Variants in FOXP1 observed in about 807,000 individuals in gnomAD.
FOXP1 encodes forkhead box P1, also known as forkhead box protein P1.
In FOXP1, 15 loss-of-function variants were observed where a neutral mutation model predicts 98.2. The observed-to-expected ratio is 0.15, with a 90% confidence interval of 0.10 to 0.24. FOXP1 has a LOEUF of 0.24. FOXP1 is among the 10% of genes least tolerant of loss of function. The probability of loss-of-function intolerance (pLI) is 1.00; values close to 1 mark genes in which losing one functional copy is unlikely to be tolerated. For synonymous variants in FOXP1, 371 were observed against 314.5 expected (o/e 1.18, Z -1.90); for missense variants, 633 against 848.5 (o/e 0.75, Z 3.15).
chr3:71,569,128 G>A (rs1440339683), intron 2 of FOXP1, among the ~76,000 whole-genome samples: 1 of 152,110 alleles, frequency 6.6e-6, no homozygotes, highest in African/African-American at 2.4e-5. Flanking sequence ...GCTCCAAGCT[G>A]CAAACCAAAA....
At chr3:71,407,203 C>T (rs1042574906) in intron 3 of FOXP1, among the ~76,000 whole-genome samples, 7 of 152,080 alleles carry the variant, frequency 4.6e-5, no homozygotes, top group Non-Finnish European at 1.0e-4. Context: ...GTAATATGTC[C>T]TCTAACTTGA....
At chr3:71,060,424 C>G (rs2051316212) in intron 7 of FOXP1, among the ~76,000 whole-genome samples, 1 of 152,008 alleles carries the variant, frequency 6.6e-6, no homozygotes, top group African/African-American at 2.4e-5. Flanking sequence ...AGACAAAGCC[C>G]AACCAAAAGC....
At chr3:71,227,060 G>A (rs374879168) in intron 5 of FOXP1, among the ~76,000 whole-genome samples, 59 of 152,252 alleles carry the variant, frequency 3.9e-4, no homozygotes, top group African/African-American at 1.4e-3. Context: ...GAGAAGGCTG[G>A]TGCGGTTCTA....
In FOXP1 at chr3:71,583,649, G is replaced by A. The variant is rs1472421632; in HGVS notation, c.-525C>T. 3.0e-6 allele frequency: 3 copies of A among 983,984 alleles called. No individual in the cohort carries two copies. Among genetic ancestry groups the A allele is most frequent in the South Asian group, 4.7e-5 (1 of 21,242 alleles). 61.0% of individuals were successfully genotyped at this position (983,984 alleles called of 1,614,324 possible). ...CGCGCGCCCACTCCCGCCCGCGCGC[G>A]CACCCCGCGCACACACTCACTCGCG... On this transcript the variant is annotated 5_prime_UTR_variant, in exon 1 of 21. Coordinates refer to ENST00000649528, the MANE Select transcript of FOXP1 (RefSeq NM_001349338.3).
chr3:71,560,545 C>T (rs777833475), intron 2 of FOXP1, among the ~76,000 whole-genome samples: 4 of 152,170 alleles, frequency 2.6e-5, no homozygotes, highest in Non-Finnish European at 5.9e-5. Flanking sequence ...CCAGTCACTC[C>T]ACTTCTAGGT....
chr3:71,152,009 A>AT (rs1185279495), intron 6 of FOXP1, among the ~76,000 whole-genome samples: 1 of 152,132 alleles, frequency 6.6e-6, no homozygotes, highest in Non-Finnish European at 1.5e-5. Context: ...GGCAAAAGAG[A>AT]TTTTGCAGGT....
At chr3:71,507,691 C>A (rs2041924765) in intron 2 of FOXP1, among the ~76,000 whole-genome samples, 1 of 152,058 alleles carries the variant, frequency 6.6e-6, no homozygotes, top group African/African-American at 2.4e-5. Context: ...CATTCTCCTG[C>A]CTCAGCCTCC....
At chr3:70,976,477 T>C (rs1305948363) in intron 17 of FOXP1, among the ~76,000 whole-genome samples, 2 of 152,258 alleles carry the variant, frequency 1.3e-5, no homozygotes, top group Non-Finnish European at 2.9e-5. Context: ...CAGCTTTCTC[T>C]ACTAATTGGG....
At chr3:71,092,465 C>T (rs1162864140) in intron 7 of FOXP1, among the ~76,000 whole-genome samples, 1 of 152,080 alleles carries the variant, frequency 6.6e-6, no homozygotes, top group African/African-American at 2.4e-5. Flanking sequence ...ACCCTAAAAT[C>T]AGTATCAGCG....
intron 13 of FOXP1, among the ~76,000 whole-genome samples, chr3:70,995,509 T>C (rs767967149): frequency 6.6e-6 from 1 of 152,188 alleles, no homozygotes; most frequent in Non-Finnish European, 1.5e-5. Flanking sequence ...TCTTACTGCA[T>C]TCCCTGATTT....
chr3:71,327,515 G>T (rs1267400036), intron 4 of FOXP1, among the ~76,000 whole-genome samples: 5 of 148,622 alleles, frequency 3.4e-5, no homozygotes, highest in Admixed American at 2.0e-4. Context: ...AGCCTCCCGA[G>T]TAGCTGGGAC....
chr3:71,315,079 T>TAAAAAAAAAA (rs11355298), intron 4 of FOXP1, among the ~76,000 whole-genome samples: 17 of 70,672 alleles, frequency 2.4e-4, no homozygotes, highest in African/African-American at 6.1e-4. Context: ...CTGGTCCATG[T>TAAAAAAAAAA]AAAAAAAAAA....
At chr3:71,452,402 C>T (rs2087038571) in intron 3 of FOXP1, among the ~76,000 whole-genome samples, 1 of 152,136 alleles carries the variant, frequency 6.6e-6, no homozygotes, top group Non-Finnish European at 1.5e-5. Context: ...CCAGGTGATT[C>T]ACGTACAATG....
At chr3:71,522,864 T>G (rs1463587072) in intron 2 of FOXP1, among the ~76,000 whole-genome samples, 1 of 152,200 alleles carries the variant, frequency 6.6e-6, no homozygotes, top group Non-Finnish European at 1.5e-5. Context: ...TGGTTTTCCT[T>G]TCAAATTCCC....
chr3:71,303,133 A>G (rs1560274229), intron 4 of FOXP1, among the ~76,000 whole-genome samples: 1 of 151,914 alleles, frequency 6.6e-6, no homozygotes, highest in Non-Finnish European at 1.5e-5. Context: ...TTTTTTCCCC[A>G]TTTATAGTAT....
intron 2 of FOXP1, among the ~76,000 whole-genome samples, chr3:71,493,991 A>T (rs751911112): frequency 5.9e-5 from 9 of 152,244 alleles, no homozygotes; most frequent in Non-Finnish European, 1.2e-4. Context: ...AAATACTAGT[A>T]CTAATAACGA....
intron 13 of FOXP1, among the ~76,000 whole-genome samples, chr3:70,993,979 A>G (rs1194316593): frequency 6.6e-6 from 1 of 150,688 alleles, no homozygotes; most frequent in Non-Finnish European, 1.5e-5. Flanking sequence ...TGGGCAACAG[A>G]GCAAAACTCC....
intron 5 of FOXP1, among the ~76,000 whole-genome samples, chr3:71,252,250 T>A (rs1331004625): frequency 2.6e-5 from 4 of 152,104 alleles, no homozygotes; most frequent in Non-Finnish European, 5.9e-5. Flanking sequence ...GTTGAAGGAA[T>A]CAAAGAGCTT....
At chr3:71,531,910 T>C (rs1459481731) in intron 2 of FOXP1, among the ~76,000 whole-genome samples, 2 of 152,228 alleles carry the variant, frequency 1.3e-5, no homozygotes, top group Non-Finnish European at 2.9e-5. Context: ...ATGTGTTGTG[T>C]ACCCCACCAT....
Sources: gnomAD v4.1 joint callset for allele counts (sites outside exome capture counted in the v4.1 genomes callset) on GRCh38, gnomAD v4.1.1 for gene constraint, MANE v1.5 for transcripts, NCBI Gene and HGNC (gene_info 2026-07-23, HGNC 2026-07-21) for gene names.